NRG4: variants seen among roughly 807,000 people sequenced by gnomAD.
NRG4 encodes neuregulin 4.
NRG4 carries 10 observed loss-of-function variants against 15.0 expected under a neutral mutation model. The observed-to-expected ratio is 0.67, with a 90% CI of 0.41 to 1.13. NRG4 has a LOEUF of 1.13. NRG4 is among the 50% of genes most tolerant of loss of function. The pLI, the probability that NRG4 is intolerant of heterozygous loss-of-function variation, is 0.00. For missense variants in NRG4, 139 were observed against 140.2 expected, an observed-to-expected ratio of 0.99 and a Z score of 0.04; for synonymous variants, 41 against 50.1, an observed-to-expected ratio of 0.82 and a Z score of 0.77.
At chr15:76,008,473 G>A (rs1440612666) in intron 3 of NRG4, among the ~76,000 whole-genome samples, 1 of 152,138 alleles carries the variant, frequency 6.6e-6, no homozygotes. Flanking sequence ...TAATTCACAT[G>A]TGTTACAAAA....
intron 3 of NRG4, among the ~76,000 whole-genome samples, chr15:76,003,192 G>A (rs2034474981): frequency 6.6e-6 from 1 of 152,006 alleles, no homozygotes; most frequent in African/African-American, 2.4e-5. Flanking sequence ...GCTGAAAATT[G>A]AGCAATACAC....
intron 2 of NRG4, among the ~76,000 whole-genome samples, chr15:76,009,520 T>C (rs1411004040): frequency 3.3e-5 from 5 of 152,142 alleles, no homozygotes; most frequent in Admixed American, 2.0e-4. Context: ...TTAACTATAA[T>C]GGGTTTAGAC....
At chr15:75,976,671 C>T (rs557258578) in intron 3 of NRG4, among the ~76,000 whole-genome samples, 8 of 152,192 alleles carry the variant, frequency 5.3e-5, no homozygotes, top group Non-Finnish European at 1.0e-4. Context: ...TGCAGAACAG[C>T]AAAGATTGCT....
chr15:76,036,691 T>C (rs2035604283), intron 4 of NRG4, among the ~76,000 whole-genome samples: 1 of 152,178 alleles, frequency 6.6e-6, no homozygotes, highest in Non-Finnish European at 1.5e-5. Flanking sequence ...ACATGTAAAA[T>C]GCCTGGAACA....
rs1053587339 is a variant in NRG4 at position 76,012,403 on chromosome 15, T to C, written c.-141A>G. On this transcript the variant is annotated 5_prime_UTR_variant, in exon 1 of 6. An upstream start codon of the reference 5' UTR is lost. Transcript: ENST00000394907. The stretch of plus-strand genomic sequence containing the variant: ...CAGACAACAGCAGCTGTGACTTGCA[T>C]TTTATAACATGTCAAAAATCTGATT... The C allele has an allele frequency of 6.6e-6, 1 of 152,220 alleles. No homozygotes were observed. Among genetic ancestry groups the C allele is most frequent in the Non-Finnish European group, 1.5e-5 (1 of 68,044 alleles). 9.4% of individuals were successfully genotyped at this position (152,220 alleles called of 1,614,324 possible). A position where few individuals can be genotyped will look rare whatever the true frequency, so the allele number is the denominator to read the frequency against.
chr15:75,946,760 T>C (rs982460243), intron 5 of NRG4, among the ~76,000 whole-genome samples: 1 of 152,208 alleles, frequency 6.6e-6, no homozygotes, highest in Non-Finnish European at 1.5e-5. Flanking sequence ...ACTTTCTGTC[T>C]CAGTGAATTT....
chr15:76,051,289 G>C (rs941740142), intron 4 of NRG4, among the ~76,000 whole-genome samples: 12 of 150,178 alleles, frequency 8.0e-5, no homozygotes, highest in Non-Finnish European at 1.5e-5. Flanking sequence ...ACAGGCGTGA[G>C]CCACCGCGCC....
intron 2 of NRG4, among the ~76,000 whole-genome samples, chr15:76,010,544 C>T (rs932093195): frequency 9.9e-5 from 15 of 151,926 alleles, no homozygotes; most frequent in African/African-American, 3.4e-4. Context: ...CACATTATAG[C>T]CCTAAGAGTA....
At chr15:75,981,604 A>G (rs1447787360) in intron 3 of NRG4, among the ~76,000 whole-genome samples, 1 of 152,162 alleles carries the variant, frequency 6.6e-6, no homozygotes, top group African/African-American at 2.4e-5. Flanking sequence ...TGCAAGTACA[A>G]TGAGGAAATT....
upstream of NRG4, among the ~76,000 whole-genome samples, chr15:76,016,111 T>C (rs2034966837): frequency 6.6e-6 from 1 of 152,218 alleles, no homozygotes; most frequent in Non-Finnish European, 1.5e-5. Context: ...CCATTTCTTC[T>C]AGATTTTCTA....
intron 1 of NRG4, among the ~76,000 whole-genome samples, chr15:76,011,578 T>A (rs2034811659): frequency 6.6e-6 from 1 of 152,192 alleles, no homozygotes; most frequent in Admixed American, 6.5e-5. Flanking sequence ...AGGCTTTTTT[T>A]CGTAAACATT....
chr15:75,952,897 T>C (rs990950663), intron 5 of NRG4, among the ~76,000 whole-genome samples: 4 of 152,332 alleles, frequency 2.6e-5, no homozygotes, highest in South Asian at 4.1e-4. Flanking sequence ...ACTACATATA[T>C]GTATTTCAGA....
At chr15:75,961,203 T>C (rs2032498838) in intron 4 of NRG4, among the ~76,000 whole-genome samples, 1 of 152,170 alleles carries the variant, frequency 6.6e-6, no homozygotes, top group Admixed American at 6.5e-5. Context: ...TATTTACTTT[T>C]ACAAAATTTC....
intron 5 of NRG4, among the ~76,000 whole-genome samples, chr15:76,027,316 GAGAAAA>G (rs2141936364): frequency 1.3e-5 from 2 of 151,038 alleles, no homozygotes; most frequent in East Asian, 3.9e-4. Context: ...GCTGTACAAA[GAGAAAA>G]AGAAAGACAT....
chr15:76,051,621 T>G, intron 4 of NRG4, among the ~76,000 whole-genome samples: 1 of 149,628 alleles, frequency 6.7e-6, no homozygotes, highest in Non-Finnish European at 1.5e-5. Context: ...TGGAGTGCTG[T>G]GGCACTATCT....
At position 76,048,902 on chromosome 15, in the gene NRG4, G is replaced by A. The variant is rs545327594; in HGVS notation, c.-105+3165C>T. Among the ~76,000 whole-genome samples, 18 of 150,304 alleles carry A rather than the reference G, an allele frequency of 1.2e-4. No individual in the cohort carries two copies. In the South Asian group the frequency reaches 3.1e-3, roughly 26 times the overall value. On this transcript the variant is annotated intron_variant, in intron 4 of 8. Transcript: ENST00000563910. Reference sequence around the variant, plus strand: ...TCTAATAAAAATACAAAAATTAGCCGGGCACGGTGGTGCATGCCTGTGGTC... The same window carrying A: ...TCTAATAAAAATACAAAAATTAGCCAGGCACGGTGGTGCATGCCTGTGGTC...
chr15:75,991,592 T>C (rs1439016633), intron 3 of NRG4, among the ~76,000 whole-genome samples: 4 of 152,042 alleles, frequency 2.6e-5, no homozygotes, highest in Non-Finnish European at 5.9e-5. Flanking sequence ...GTTGAGGTGG[T>C]TGACAGTGAT....
At position 75,981,607 on chromosome 15, in the gene NRG4, A is replaced by G. The variant is rs78231651; in HGVS notation, c.105-19633T>C. On this transcript the variant is annotated intron_variant, in intron 3 of 5. Coordinates refer to ENST00000394907, the MANE Select transcript of NRG4 (RefSeq NM_138573.4). The stretch of plus-strand genomic sequence containing the variant: ...GCTAGTAGCAGCTGCAAGTACAATG[A>G]GGAAATTGCTATTGAAGGCTGAATG... 7.5e-3 allele frequency among the ~76,000 whole-genome samples: 1,145 copies of G among 152,270 alleles called. 12 individuals are homozygous for G. Among genetic ancestry groups the G allele is most frequent in the African/African-American group, 0.026 (1,080 of 41,552 alleles).
At chr15:75,988,438 C>T (rs867091721) in intron 3 of NRG4, among the ~76,000 whole-genome samples, 4 of 152,184 alleles carry the variant, frequency 2.6e-5, no homozygotes, top group Admixed American at 6.5e-5. Context: ...CTGCCCACTT[C>T]GGCCTCCCAA....
Sources: gnomAD v4.1 joint callset for allele counts (sites outside exome capture counted in the v4.1 genomes callset) on GRCh38, gnomAD v4.1.1 for gene constraint, MANE v1.5 for transcripts, NCBI Gene and HGNC (gene_info 2026-07-23, HGNC 2026-07-21) for gene names.